Variants in NRXN1 observed in about 807,000 individuals in gnomAD.
NRXN1 encodes the protein neurexin 1.
Under a neutral mutation model 150.9 loss-of-function variants are expected in NRXN1, and 39 were observed. That is an observed-to-expected ratio of 0.26 (90% CI 0.20 to 0.34). NRXN1 has a LOEUF of 0.34. Among genes scored for constraint, NRXN1 ranks in the 10% least tolerant of loss-of-function variants. The pLI is 1.00. For missense variants in NRXN1, 1,815 were observed against 1,949.9 expected, an observed-to-expected ratio of 0.93 and a Z score of 1.30; for synonymous variants, 924 against 757.0, an observed-to-expected ratio of 1.22 and a Z score of -3.62.
chr2:50,716,871 T>C (rs537965134), intron 5 of NRXN1, among the ~76,000 whole-genome samples: 1 of 152,304 alleles, frequency 6.6e-6, no homozygotes, highest in South Asian at 2.1e-4. Flanking sequence ...TATTTTATGA[T>C]GTCTCTTCTA....
intron 5 of NRXN1, among the ~76,000 whole-genome samples, chr2:50,899,295 A>G (rs1003446702): frequency 7.9e-5 from 12 of 152,168 alleles, no homozygotes; most frequent in African/African-American, 2.9e-4. Context: ...ATGCAGTACA[A>G]TTGAAAACGT....
chr2:50,352,308 A>G (rs535996886), intron 17 of NRXN1, among the ~76,000 whole-genome samples: 1 of 152,266 alleles, frequency 6.6e-6, no homozygotes, highest in Non-Finnish European at 1.5e-5. Flanking sequence ...ATTTCTTCAT[A>G]TTACAAAAAT....
intron 17 of NRXN1, among the ~76,000 whole-genome samples, chr2:50,249,634 T>G (rs971106495): frequency 7.5e-6 from 1 of 132,886 alleles, no homozygotes; most frequent in Non-Finnish European, 1.6e-5. Flanking sequence ...ATGTCATTTC[T>G]TTCCTTTCTT....
intron 8 of NRXN1, among the ~76,000 whole-genome samples, chr2:50,592,922 G>T (rs141473011): frequency 1.8e-3 from 269 of 152,316 alleles, no homozygotes; most frequent in African/African-American, 6.4e-3. Context: ...AAGTGGAGCA[G>T]TTTCCCAGAG....
intron 17 of NRXN1, among the ~76,000 whole-genome samples, chr2:50,340,814 C>A (rs1386165680): frequency 6.6e-6 from 1 of 152,096 alleles, no homozygotes; most frequent in Non-Finnish European, 1.5e-5. Flanking sequence ...GTTAACATCT[C>A]AAAACATAAA....
At chr2:50,984,606 T>C (rs781540385) in intron 2 of NRXN1, among the ~76,000 whole-genome samples, 1 of 152,058 alleles carries the variant, frequency 6.6e-6, no homozygotes, top group Non-Finnish European at 1.5e-5. Context: ...TAGAAAGGGA[T>C]TAATATTTCC....
chr2:50,583,842 A>G (rs550770271), intron 8 of NRXN1, among the ~76,000 whole-genome samples: 1 of 152,226 alleles, frequency 6.6e-6, no homozygotes, highest in African/African-American at 2.4e-5. Flanking sequence ...TAAGATGATG[A>G]TACACAAAAT....
At chr2:50,285,535 T>C (rs971818416) in intron 17 of NRXN1, among the ~76,000 whole-genome samples, 5 of 152,130 alleles carry the variant, frequency 3.3e-5, no homozygotes, top group Non-Finnish European at 5.9e-5. Flanking sequence ...CCTGCAAATA[T>C]GGGGAAAACA....
At chr2:50,635,907 T>G (rs1468780358) in intron 5 of NRXN1, among the ~76,000 whole-genome samples, 1 of 152,206 alleles carries the variant, frequency 6.6e-6, no homozygotes, top group Admixed American at 6.5e-5. Context: ...TTCAGAAGGT[T>G]CTAATCAACA....
chr2:50,213,962 C>T (rs763007763), intron 18 of NRXN1, among the ~76,000 whole-genome samples: 22 of 151,814 alleles, frequency 1.4e-4, no homozygotes, highest in East Asian at 5.8e-4. Context: ...TTGGCAACTT[C>T]GTAAAACTAT....
At chr2:50,873,001 T>C (rs922272949) in intron 5 of NRXN1, among the ~76,000 whole-genome samples, 2 of 150,998 alleles carry the variant, frequency 1.3e-5, no homozygotes, top group Non-Finnish European at 2.9e-5. Context: ...ACCCTGTCTC[T>C]AAAAAAGAAA....
intron 5 of NRXN1, among the ~76,000 whole-genome samples, chr2:50,900,823 C>T (rs150787675): frequency 9.2e-4 from 140 of 152,152 alleles, no homozygotes; most frequent in African/African-American, 2.7e-3. Context: ...AATGCAAGAA[C>T]GAGGTGATGA....
intron 17 of NRXN1, among the ~76,000 whole-genome samples, chr2:50,379,845 C>T (rs1001392436): frequency 7.9e-5 from 12 of 152,142 alleles, no homozygotes; most frequent in Non-Finnish European, 2.9e-5. Context: ...TCATTTTAAA[C>T]ACCCAGTTCT....
At chr2:50,412,738 G>A (rs1358976883) in intron 17 of NRXN1, among the ~76,000 whole-genome samples, 1 of 151,998 alleles carries the variant, frequency 6.6e-6, no homozygotes, top group Non-Finnish European at 1.5e-5. Context: ...AACACTCAGG[G>A]TATGCAGATA....
At chr2:50,518,360 C>A (rs2092687021) in intron 12 of NRXN1, among the ~76,000 whole-genome samples, 1 of 151,790 alleles carries the variant, frequency 6.6e-6, no homozygotes. Context: ...GGATGCTTAT[C>A]ACATAACAGG....
At chr2:50,806,730 T>C (rs1667561241) in intron 5 of NRXN1, among the ~76,000 whole-genome samples, 1 of 152,186 alleles carries the variant, frequency 6.6e-6, no homozygotes, top group Admixed American at 6.5e-5. Flanking sequence ...TCTTTTCCAC[T>C]CTGTCTCTCT....
intron 17 of NRXN1, among the ~76,000 whole-genome samples, chr2:50,297,432 C>T (rs972708744): frequency 2.0e-5 from 3 of 152,150 alleles, no homozygotes; most frequent in African/African-American, 7.2e-5. Context: ...CTGTACCTTA[C>T]AAGCATCAGA....
chr2:50,487,547 C>A (rs1247450563), intron 15 of NRXN1, among the ~76,000 whole-genome samples: 1 of 152,188 alleles, frequency 6.6e-6, no homozygotes, highest in Non-Finnish European at 1.5e-5. Flanking sequence ...ATAAAGATGG[C>A]AGATTTAGCT....
chr2:50,772,220 A>T (rs1703096415), intron 5 of NRXN1, among the ~76,000 whole-genome samples: 1 of 151,774 alleles, frequency 6.6e-6, no homozygotes, highest in African/African-American at 2.4e-5. Context: ...CTCACCTAAA[A>T]TGGGAGGATA....
Sources: allele counts gnomAD v4.1 joint callset (sites outside exome capture counted in the v4.1 genomes callset), GRCh38; gene constraint gnomAD v4.1.1; transcripts MANE v1.5; gene names NCBI Gene and HGNC (gene_info 2026-07-23, HGNC 2026-07-21).